INTU: variants seen among roughly 807,000 people sequenced by gnomAD.
INTU encodes inturned planar cell polarity protein, also known as protein inturned.
A neutral mutation model predicts 100.5 loss-of-function variants in INTU; 68 were observed. The observed-to-expected ratio is 0.68, with a 90% CI of 0.56 to 0.83. INTU has a LOEUF of 0.83. Ranked by LOEUF, INTU falls within the 40% of genes least tolerant of loss-of-function variation. The probability of loss-of-function intolerance (pLI) is 0.00; values close to 1 mark genes in which losing one functional copy is unlikely to be tolerated. For synonymous variants in INTU, 357 were observed against 395.7 expected, an observed-to-expected ratio of 0.90 and a Z score of 1.16; for missense variants, 1,071 against 1,114.7, an observed-to-expected ratio of 0.96 and a Z score of 0.56.
At chr4:127,675,316 A>G (rs1729124626) in intron 6 of INTU, among the ~76,000 whole-genome samples, 1 of 152,188 alleles carries the variant, frequency 6.6e-6, no homozygotes, top group Non-Finnish European at 1.5e-5. Flanking sequence ...TTTTCTCTTG[A>G]TGTTGCTTCA....
chr4:127,674,032 A>T (rs1327358441), intron 5 of INTU, 92 bp from the exon 6 acceptor site: 2 of 759,700 alleles, frequency 2.6e-6, no homozygotes, highest in Non-Finnish European at 4.0e-6. Context: ...TAGTTCTTAA[A>T]TCATACCATA....
chr4:127,674,812 A>C (rs1459052223), intron 6 of INTU, among the ~76,000 whole-genome samples: 2 of 152,142 alleles, frequency 1.3e-5, no homozygotes, highest in Non-Finnish European at 2.9e-5. Context: ...TATTTATTAA[A>C]CTCATTTAAT....
chr4:127,676,578 A>G (rs1407167770), intron 6 of INTU, among the ~76,000 whole-genome samples: 1 of 146,138 alleles, frequency 6.8e-6, no homozygotes, highest in Non-Finnish European at 1.5e-5. Context: ...AGAGCAAGAC[A>G]ATGTCTCAAA....
At chr4:127,642,499 G>A (rs1188632372) in intron 1 of INTU, among the ~76,000 whole-genome samples, 1 of 152,128 alleles carries the variant, frequency 6.6e-6, no homozygotes, top group Non-Finnish European at 1.5e-5. Context: ...TAAGAGAACT[G>A]GAGTTGCTAA....
intron 6 of INTU, among the ~76,000 whole-genome samples, chr4:127,683,502 A>G (rs1729677274): frequency 6.6e-6 from 1 of 152,194 alleles, no homozygotes; most frequent in Non-Finnish European, 1.5e-5. Flanking sequence ...TGTGCTTTGT[A>G]ATTGAACTCA....
intron 3 of INTU, among the ~76,000 whole-genome samples, chr4:127,661,776 C>T (rs1396489364): frequency 6.6e-6 from 1 of 152,110 alleles, no homozygotes; most frequent in African/African-American, 2.4e-5. Context: ...TCCTCATTCT[C>T]AGATAAAGGA....
At chr4:127,655,255 G>A (rs1362014690) in intron 2 of INTU, among the ~76,000 whole-genome samples, 4 of 152,230 alleles carry the variant, frequency 2.6e-5, no homozygotes, top group South Asian at 2.1e-4. Context: ...GCTTTGTTCC[G>A]TTGCTGGTGA....
chr4:127,689,671 G>A (rs908009543), intron 8 of INTU, among the ~76,000 whole-genome samples: 4 of 151,508 alleles, frequency 2.6e-5, no homozygotes, highest in African/African-American at 4.9e-5. Flanking sequence ...CTCAGGAAAG[G>A]AAAGGAAAAG....
intron 6 of INTU, among the ~76,000 whole-genome samples, chr4:127,677,609 A>G (rs1560855032): frequency 6.6e-6 from 1 of 152,054 alleles, no homozygotes; most frequent in Admixed American, 6.5e-5. Context: ...GTACATCACC[A>G]TCATCAAAGA....
chr4:127,666,927 A>G (rs1728723493), intron 4 of INTU, among the ~76,000 whole-genome samples: 1 of 152,190 alleles, frequency 6.6e-6, no homozygotes, highest in Admixed American at 6.6e-5. Context: ...ATCAAAATTT[A>G]GTGAATAATC....
At chr4:127,702,535 T>G (rs1730695121) in intron 9 of INTU, among the ~76,000 whole-genome samples, 1 of 151,690 alleles carries the variant, frequency 6.6e-6, no homozygotes, top group Non-Finnish European at 1.5e-5. Flanking sequence ...TGTAGGGAGG[T>G]GTTGAGGGAA....
At chr4:127,711,175 A>G in intron 14 of INTU, 73 bp downstream of exon 14, 1 of 1,139,284 alleles carries the variant, frequency 8.8e-7, no homozygotes, top group South Asian at 2.2e-5. Flanking sequence ...TTATCTAATC[A>G]ATATGCCCAG....
chr4:127,683,435 T>A (rs759804168), intron 6 of INTU, among the ~76,000 whole-genome samples: 7 of 152,200 alleles, frequency 4.6e-5, no homozygotes, highest in Non-Finnish European at 8.8e-5. Context: ...GGAGAGATCA[T>A]GCATAAGCAC....
chr4:127,684,817 A>G (rs1281138016), intron 7 of INTU, among the ~76,000 whole-genome samples: 3 of 150,456 alleles, frequency 2.0e-5, no homozygotes, highest in African/African-American at 7.3e-5. Flanking sequence ...TTGGTCTCAT[A>G]TATGACTTTA....
intron 2 of INTU, among the ~76,000 whole-genome samples, chr4:127,645,871 G>T (rs1017121037): frequency 1.3e-5 from 2 of 151,758 alleles, no homozygotes; most frequent in African/African-American, 4.8e-5. Context: ...GCCAACTGTT[G>T]TTGTTTTAAG....
At chr4:127,660,455 C>T (rs953693833) in intron 3 of INTU, among the ~76,000 whole-genome samples, 7 of 152,218 alleles carry the variant, frequency 4.6e-5, no homozygotes, top group Middle Eastern at 3.4e-3. Context: ...ATGGGAGAGA[C>T]GGTGCAGACT....
intron 7 of INTU, chr4:127,686,278 A>G (rs986286655): frequency 2.0e-5 from 3 of 152,380 alleles, no homozygotes; most frequent in South Asian, 2.1e-4. Context: ...GCAAGTCCTG[A>G]TCAGTCTGTC....
intron 8 of INTU, among the ~76,000 whole-genome samples, chr4:127,696,579 T>C (rs540821009): frequency 3.3e-5 from 5 of 152,104 alleles, no homozygotes; most frequent in African/African-American, 1.2e-4. Flanking sequence ...ATTTTTATCT[T>C]AGTTAGGCTA....
intron 4 of INTU, among the ~76,000 whole-genome samples, chr4:127,666,255 ATACTC>A (rs1487751155): frequency 6.6e-6 from 1 of 152,068 alleles, no homozygotes; most frequent in Non-Finnish European, 1.5e-5. Flanking sequence ...TGTAGACTCT[ATACTC>A]TATTCTAGAT....
Sources: gnomAD v4.1 joint callset for allele counts (sites outside exome capture counted in the v4.1 genomes callset) on GRCh38, gnomAD v4.1.1 for gene constraint, MANE v1.5 for transcripts, NCBI Gene and HGNC (gene_info 2026-07-23, HGNC 2026-07-21) for gene names.